XRCC4: variants seen among roughly 807,000 people sequenced by gnomAD.
The protein encoded by XRCC4 is DNA repair protein XRCC4.
XRCC4 carries 28 observed loss-of-function variants against 39.1 expected under a neutral mutation model. The ratio of observed to expected loss-of-function variants is 0.72; its 90% CI spans 0.53 to 0.98. The LOEUF (loss-of-function observed/expected upper bound fraction) is 0.98. Ranked by LOEUF, XRCC4 falls within the 50% of genes least tolerant of loss-of-function variation. XRCC4 has a pLI of 0.00. For missense variants in XRCC4, 350 were observed against 376.4 expected (o/e 0.93, Z 0.58); for synonymous variants, 123 against 126.4 (o/e 0.97, Z 0.18).
intron 7 of XRCC4, among the ~76,000 whole-genome samples, chr5:83,275,298 T>G (rs1315663263): frequency 2.0e-5 from 3 of 148,076 alleles, no homozygotes; most frequent in Non-Finnish European, 3.0e-5. Context: ...TAGGTTAGGT[T>G]TTTTTTTTTT....
Position 83,258,605 on chromosome 5 carries a change from A to T in XRCC4, c.821A>T (p.Gln274Leu), listed in dbSNP as rs1288138790. 6.2e-7 allele frequency: 1 copy of T among 1,611,596 alleles called. No homozygotes were observed. The highest frequency in any genetic ancestry group is 1.3e-5 in the African/African-American group (1 of 74,778). The change falls in exon 7 of 8, where the codon CAG (glutamine) becomes CTG (leucine). Residue 274 changes from glutamine to leucine, a missense_variant. Physicochemically the swap from Gln to Leu is moderately radical, Grantham distance 113. Transcript: ENST00000396027. ...ATTGCACCAAGTAGAAAAAGGAGAC[A>T]GCGAATGCAAAGAAATCTTGGGACA... ...TDIAPSRKRR[Q>L]RMQRNLGTEP...
At chr5:83,198,410 C>T (rs1234716596) in intron 4 of XRCC4, among the ~76,000 whole-genome samples, 1 of 151,998 alleles carries the variant, frequency 6.6e-6, no homozygotes, top group Admixed American at 6.6e-5. Context: ...GTTGTGTACA[C>T]ATGTGTTTAT....
intron 6 of XRCC4, among the ~76,000 whole-genome samples, chr5:83,228,076 G>C (rs564639868): frequency 6.6e-6 from 1 of 152,000 alleles, no homozygotes; most frequent in Non-Finnish European, 1.5e-5. Context: ...TCTATTTTCT[G>C]TACCAGTGTC....
intron 7 of XRCC4, among the ~76,000 whole-genome samples, chr5:83,350,236 G>A (rs956798719): frequency 2.0e-5 from 3 of 152,144 alleles, no homozygotes; most frequent in Admixed American, 6.5e-5. Flanking sequence ...CAGTGCATGT[G>A]TCTTTTTGGC....
At chr5:83,271,891 G>C (rs1349945546) in intron 7 of XRCC4, among the ~76,000 whole-genome samples, 1 of 152,104 alleles carries the variant, frequency 6.6e-6, no homozygotes, top group Non-Finnish European at 1.5e-5. Context: ...TGCATTTAAA[G>C]ATAAACCTTT....
intron 7 of XRCC4, among the ~76,000 whole-genome samples, chr5:83,336,646 TA>T (rs1368438690): frequency 5.9e-5 from 9 of 152,182 alleles, no homozygotes; most frequent in African/African-American, 2.2e-4. Flanking sequence ...CATAAACCTT[TA>T]ATAATAATAA....
At position 83,111,195 on chromosome 5, in the gene XRCC4, G is replaced by A. The variant is rs144653114; in HGVS notation, c.307G>A (p.Asp103Asn). 879 of 1,583,800 alleles carry A rather than the reference G, an allele frequency of 5.5e-4. 11 individuals are homozygous for A. In the African/African-American group the frequency reaches 0.011, roughly 19 times the overall value. ...TTTCTTCTTTGAGAAAAACCTGAAAGATGTCTCAGTAAGTAAAACTTTCCA... is the reference window on the plus strand; with the variant it reads ...TTTCTTCTTTGAGAAAAACCTGAAAAATGTCTCAGTAAGTAAAACTTTCCA... ...CYFFFEKNLK[D>N]VSFRLGSFNL... is the part of the protein sequence containing the mutation. The change falls in exon 3 of 8, where the codon GAT becomes AAT. Residue 103 changes from aspartate to asparagine, a missense_variant. Asp to Asn is a conservative substitution (Grantham distance 23). Coordinates refer to ENST00000396027, the MANE Select transcript of XRCC4 (RefSeq NM_003401.5).
chr5:83,176,051 A>G (rs62374399), intron 3 of XRCC4, among the ~76,000 whole-genome samples: 62,452 of 151,690 alleles, frequency 0.41, 13,403 homozygotes, highest in South Asian at 0.49. Flanking sequence ...TAATAATAAT[A>G]ATGATTTAAA....
intron 7 of XRCC4, among the ~76,000 whole-genome samples, chr5:83,287,387 G>A (rs988252299): frequency 2.0e-5 from 3 of 152,030 alleles, no homozygotes; most frequent in African/African-American, 7.2e-5. Context: ...AGCTTTCTAT[G>A]CCTTATTTCA....
chr5:83,248,014 G>T (rs1753172212), intron 6 of XRCC4, among the ~76,000 whole-genome samples: 1 of 152,096 alleles, frequency 6.6e-6, no homozygotes, highest in South Asian at 2.1e-4. Flanking sequence ...GGAGACTTTG[G>T]AATAGCGAAG....
intron 1 of XRCC4, among the ~76,000 whole-genome samples, chr5:83,079,911 C>T (rs1280379885): frequency 6.6e-6 from 1 of 152,058 alleles, no homozygotes; most frequent in Admixed American, 6.5e-5. Flanking sequence ...ATATTAAAAT[C>T]GTATGTAAAA....
intron 7 of XRCC4, among the ~76,000 whole-genome samples, chr5:83,323,261 A>G (rs923575758): frequency 6.6e-6 from 1 of 152,110 alleles, no homozygotes; most frequent in Admixed American, 6.6e-5. Context: ...CCCTAAAATA[A>G]TTTTCATTGA....
intron 3 of XRCC4, among the ~76,000 whole-genome samples, chr5:83,140,719 A>C (rs1255301199): frequency 6.6e-6 from 1 of 152,236 alleles, no homozygotes; most frequent in Non-Finnish European, 1.5e-5. Context: ...GCATATATTT[A>C]AAATTTCTTA....
At chr5:83,091,871 A>C (rs1466592600) in intron 1 of XRCC4, among the ~76,000 whole-genome samples, 2 of 152,164 alleles carry the variant, frequency 1.3e-5, no homozygotes, top group Non-Finnish European at 2.9e-5. Context: ...CTTTCAGGTA[A>C]ATACTCAGAA....
chr5:83,117,795 A>G (rs1746806798), intron 3 of XRCC4, among the ~76,000 whole-genome samples: 1 of 151,886 alleles, frequency 6.6e-6, no homozygotes, highest in Admixed American at 6.6e-5. Flanking sequence ...GGTTTGTTAC[A>G]TAGGTAGACG....
At chr5:83,177,391 G>A (rs545223315) in intron 3 of XRCC4, among the ~76,000 whole-genome samples, 1 of 148,914 alleles carries the variant, frequency 6.7e-6, no homozygotes, top group Non-Finnish European at 1.5e-5. Context: ...CTGTTAGGTA[G>A]TAAAGCAGTA....
At position 83,099,390 on chromosome 5, in the gene XRCC4, G is replaced by A. The variant is rs555587466; in HGVS notation, c.-10-5520G>A. Among the ~76,000 whole-genome samples, 27 of 152,288 alleles carry A rather than the reference G, an allele frequency of 1.8e-4. 1 individual carries two copies. The South Asian group carries it at 5.4e-3, about 30-fold the overall frequency. The stretch of plus-strand genomic sequence containing the variant: ...TGATATAGTGTTGTAACTAACTTGA[G>A]CTGACCTAAAAGAGAGAGTTGGCTT... On this transcript the variant is annotated intron_variant, in intron 1 of 7. Coordinates refer to ENST00000396027, the MANE Select transcript of XRCC4 (RefSeq NM_003401.5).
At chr5:83,152,071 G>T (rs924692935) in intron 3 of XRCC4, among the ~76,000 whole-genome samples, 1 of 152,146 alleles carries the variant, frequency 6.6e-6, no homozygotes, top group African/African-American at 2.4e-5. Context: ...ACCAACTAAT[G>T]ACTAATGTGA....
chr5:83,309,680 C>T (rs934177809), intron 7 of XRCC4, among the ~76,000 whole-genome samples: 2 of 133,620 alleles, frequency 1.5e-5, no homozygotes, highest in African/African-American at 2.8e-5. Flanking sequence ...GGGAGAATGG[C>T]GTGAACCCGG....
Sources: allele counts gnomAD v4.1 joint callset (sites outside exome capture counted in the v4.1 genomes callset), GRCh38; gene constraint gnomAD v4.1.1; transcripts MANE v1.5; gene names NCBI Gene and HGNC (gene_info 2026-07-23, HGNC 2026-07-21).